POLD3: variants seen among roughly 807,000 people sequenced by gnomAD.
POLD3 encodes the protein DNA polymerase delta subunit 3.
POLD3 carries 19 observed loss-of-function variants against 58.2 expected under a neutral mutation model. The observed-to-expected ratio is 0.33, with a 90% CI of 0.23 to 0.48. The LOEUF (loss-of-function observed/expected upper bound fraction) is 0.48. Among genes scored for constraint, POLD3 ranks in the 20% least tolerant of loss-of-function variants. The probability of loss-of-function intolerance (pLI) is 0.99; values close to 1 mark genes in which losing one functional copy is unlikely to be tolerated. For missense variants in POLD3, 504 were observed against 545.5 expected (o/e 0.92, Z 0.76); for synonymous variants, 172 against 193.5 (o/e 0.89, Z 0.92).
intron 3 of POLD3, among the ~76,000 whole-genome samples, chr11:74,607,500 T>C (rs1178320562): frequency 6.6e-6 from 1 of 151,578 alleles, no homozygotes; most frequent in Admixed American, 6.6e-5. Flanking sequence ...TCTCCTGACC[T>C]TGTGATCCAC....
intron 10 of POLD3, among the ~76,000 whole-genome samples, chr11:74,635,844 G>A (rs2032732788): frequency 6.6e-6 from 1 of 152,132 alleles, no homozygotes; most frequent in South Asian, 2.1e-4. Flanking sequence ...GTATTGCAGT[G>A]GTCTGCTTTC....
At chr11:74,640,272 G>A (rs574495956) in intron 11 of POLD3, among the ~76,000 whole-genome samples, 1 of 152,288 alleles carries the variant, frequency 6.6e-6, no homozygotes, top group African/African-American at 2.4e-5. Context: ...CCAAATAAAG[G>A]ATTTAGGCAA....
At chr11:74,620,721 G>A (rs1478115011) in intron 7 of POLD3, among the ~76,000 whole-genome samples, 1 of 152,148 alleles carries the variant, frequency 6.6e-6, no homozygotes, top group African/African-American at 2.4e-5. Context: ...CTCATATCAA[G>A]TGTACATCCC....
intron 10 of POLD3, among the ~76,000 whole-genome samples, 154 bp downstream of exon 10, chr11:74,634,849 G>A (rs535900779): frequency 6.6e-6 from 1 of 152,308 alleles, no homozygotes; most frequent in South Asian, 2.1e-4. Flanking sequence ...TGTACAGAAT[G>A]GGCGTTCCCT....
chr11:74,595,899 C>T (rs1185394495), intron 2 of POLD3, among the ~76,000 whole-genome samples: 1 of 152,184 alleles, frequency 6.6e-6, no homozygotes, highest in Admixed American at 6.5e-5. Flanking sequence ...GCTGGGATTA[C>T]AGACATAAGC....
intron 4 of POLD3, among the ~76,000 whole-genome samples, chr11:74,656,723 G>T (rs951752736): frequency 4.1e-5 from 6 of 146,560 alleles, no homozygotes; most frequent in African/African-American, 1.5e-4. Flanking sequence ...GGTCAAAGAA[G>T]ACATTTGATA....
At chr11:74,604,021 G>A (rs2031591017) in intron 2 of POLD3, among the ~76,000 whole-genome samples, 1 of 152,164 alleles carries the variant, frequency 6.6e-6, no homozygotes, top group Admixed American at 6.5e-5. Flanking sequence ...TCTGAATACT[G>A]GGCAATGTGA....
intron 9 of POLD3, among the ~76,000 whole-genome samples, chr11:74,634,205 C>T (rs927217983): frequency 1.3e-5 from 2 of 152,142 alleles, no homozygotes; most frequent in African/African-American, 2.4e-5. Flanking sequence ...CCCCTCTGAA[C>T]CTCTATTTAC....
In POLD3 at chr11:74,618,675, T is replaced by C; in HGVS notation, c.531T>C (p.His177=). ...ACAATGAGCTGACCACCAATGGTCATGGCCCACCTGCATCCAAGCAGGTTT... is the reference window on the plus strand; with the variant it reads ...ACAATGAGCTGACCACCAATGGTCACGGCCCACCTGCATCCAAGCAGGTTT... ...QANNELTTNG[H]GPPASKQVSQ... The change falls in exon 6 of 12, where the codon CAT becomes CAC. Residue 177 remains histidine, a synonymous_variant. Coordinates refer to ENST00000263681, the MANE Select transcript of POLD3 (RefSeq NM_006591.3). The C allele has an allele frequency of 2.5e-6, 4 of 1,614,130 alleles. No homozygotes were observed. The highest frequency in any genetic ancestry group is 3.4e-6 in the Non-Finnish European group (4 of 1,180,004).
At chr11:74,636,399 T>C in intron 11 of POLD3, 124 bp downstream of exon 11, 4 of 848,878 alleles carry the variant, frequency 4.7e-6, no homozygotes, top group Non-Finnish European at 7.5e-6. Flanking sequence ...GCCCAAGTGG[T>C]ACTGATGCTG....
intron 5 of POLD3, among the ~76,000 whole-genome samples, chr11:74,615,671 TAGAA>T (rs1442121229): frequency 6.6e-6 from 1 of 152,144 alleles, no homozygotes; most frequent in Non-Finnish European, 1.5e-5. Context: ...CTTGGGTTGT[TAGAA>T]AGGTGCTGTA....
At chr11:74,627,640 G>C (rs957946993) in intron 8 of POLD3, among the ~76,000 whole-genome samples, 2 of 152,056 alleles carry the variant, frequency 1.3e-5, no homozygotes, top group African/African-American at 4.8e-5. Context: ...CCCTATACAT[G>C]TGTACCATTT....
intron 4 of POLD3, among the ~76,000 whole-genome samples, chr11:74,667,048 G>T (rs1215098120): frequency 6.6e-6 from 1 of 151,880 alleles, no homozygotes; most frequent in Admixed American, 6.6e-5. Flanking sequence ...GGGACAACTG[G>T]ATATCCACAT....
intron 9 of POLD3, among the ~76,000 whole-genome samples, chr11:74,631,477 CT>C (rs1158260012): frequency 0.017 from 1,855 of 110,234 alleles, 21 homozygotes; most frequent in African/African-American, 0.057. Context: ...TTTGTCTTGT[CT>C]TTTTTTTTTT....
Position 74,592,601 on chromosome 11 carries a change from G to C in POLD3, c.-58G>C. On this transcript the variant is annotated 5_prime_UTR_variant, in exon 1 of 12. Coordinates refer to ENST00000263681, the MANE Select transcript of POLD3 (RefSeq NM_006591.3). ...GGGAGCAAAGACGTTTCCCGCCGGC[G>C]GGAGCTGTGGCTGTGATTGAGAGAG... is the stretch of plus-strand genomic sequence containing the variant. 6.2e-7 allele frequency: 1 copy of C among 1,604,098 alleles called. No individual in the cohort carries two copies. Among genetic ancestry groups the C allele is most frequent in the South Asian group, 1.1e-5 (1 of 90,330 alleles).
At chr11:74,610,199 C>A (rs974132088) in intron 3 of POLD3, among the ~76,000 whole-genome samples, 7 of 150,948 alleles carry the variant, frequency 4.6e-5, no homozygotes, top group Non-Finnish European at 8.8e-5. Flanking sequence ...CTGTTCCTAC[C>A]ACTTGCCCTT....
chr11:74,634,723 T>G, intron 10 of POLD3, 28 bp downstream of exon 10: 7 of 1,235,472 alleles, frequency 5.7e-6, no homozygotes, highest in African/African-American at 1.5e-5. Flanking sequence ...TTCTTGCATG[T>G]CCATGCATCC....
At position 74,619,886 on chromosome 11, in the gene POLD3, C is replaced by T. The variant is rs533848699; in HGVS notation, c.661-131C>T. The T allele has an allele frequency of 6.6e-5, 44 of 665,008 alleles. No homozygotes were observed. The African/African-American group carries it at 7.0e-4, about 11-fold the overall frequency. The allele number at this position is 665,008 out of a possible 1,614,324, so 41.2% of individuals were successfully genotyped here. On this transcript the variant is annotated intron_variant, in intron 6 of 11. Transcript: ENST00000263681. ...GATTTGTTCTTATATCTAACACCTA[C>T]GCGTTTTGGCATGATTATATAGAGA...
chr11:74,605,596 A>G (rs2031647917), intron 3 of POLD3, among the ~76,000 whole-genome samples: 1 of 152,104 alleles, frequency 6.6e-6, no homozygotes, highest in Non-Finnish European at 1.5e-5. Context: ...CAAACTTCCT[A>G]TCTGAAGGTT....
Sources: allele counts gnomAD v4.1 joint callset (sites outside exome capture counted in the v4.1 genomes callset), GRCh38; gene constraint gnomAD v4.1.1; transcripts MANE v1.5; gene names NCBI Gene and HGNC (gene_info 2026-07-23, HGNC 2026-07-21).